The following MORC2 variants were observed in gnomAD, a reference collection of about 807,000 sequenced individuals.
The protein encoded by MORC2 is MORC family CW-type zinc finger 2.
Under a neutral mutation model 136.0 loss-of-function variants are expected in MORC2, and 30 were observed. The ratio of observed to expected loss-of-function variants is 0.22; its 90% CI spans 0.17 to 0.30. The LOEUF (loss-of-function observed/expected upper bound fraction) is 0.30. MORC2 is among the 10% of genes least tolerant of loss of function. The pLI is 1.00. For missense variants in MORC2, 922 were observed against 1,333.1 expected, an observed-to-expected ratio of 0.69 and a Z score of 4.80; for synonymous variants, 439 against 487.0, an observed-to-expected ratio of 0.90 and a Z score of 1.30.
chr22:30,954,509 G>C (rs534069896), intron 3 of MORC2, among the ~76,000 whole-genome samples: 2 of 152,230 alleles, frequency 1.3e-5, no homozygotes, highest in South Asian at 4.1e-4. Flanking sequence ...ATTATCCATA[G>C]TGCATTAATT....
At chr22:30,950,578 G>A (rs2040873474) in intron 3 of MORC2, 133 bp from the exon 4 acceptor site, 4 of 805,744 alleles carry the variant, frequency 5.0e-6, no homozygotes, top group Non-Finnish European at 8.0e-6. Flanking sequence ...CTACGCTGGT[G>A]TGAATTAAAC....
chr22:30,967,641 C>T lies in MORC2; in HGVS notation c.68+181G>A, dbSNP rs1052056492. 1.5e-4 allele frequency: 202 copies of T among 1,385,944 alleles called. 1 individual carries two copies. Among genetic ancestry groups the T allele is most frequent in the Non-Finnish European group, 1.9e-4 (200 of 1,071,526 alleles). 85.9% of individuals were successfully genotyped at this position (1,385,944 alleles called of 1,614,324 possible). On this transcript the variant is annotated intron_variant, in intron 1 of 25. Transcript: ENST00000397641. Reference sequence around the variant, plus strand: ...CAAAAATCAGATTCTTCTGGATTAGCAACAAGTATTTCACTGATCTCAGTT... The same window carrying T: ...CAAAAATCAGATTCTTCTGGATTAGTAACAAGTATTTCACTGATCTCAGTT...
intron 1 of MORC2, among the ~76,000 whole-genome samples, chr22:30,960,504 T>A (rs905666995): frequency 2.0e-5 from 3 of 152,124 alleles, no homozygotes; most frequent in African/African-American, 7.2e-5. Context: ...TTATTTATTT[T>A]GAGACGGAGT....
chr22:30,955,117 C>G (rs1031048843), intron 3 of MORC2, among the ~76,000 whole-genome samples: 5 of 152,064 alleles, frequency 3.3e-5, no homozygotes, highest in Non-Finnish European at 7.4e-5. Context: ...CACCACCACA[C>G]CCGGCTAATT....
At chr22:30,945,501 C>A (rs1389185951) in intron 6 of MORC2, among the ~76,000 whole-genome samples, 1 of 152,182 alleles carries the variant, frequency 6.6e-6, no homozygotes, top group African/African-American at 2.4e-5. Context: ...CTCTTAGCCC[C>A]CCTTCTTTCA....
At position 30,934,692 on chromosome 22, in the gene MORC2, G is replaced by A; in HGVS notation, c.2193+89C>T. 6.6e-7 allele frequency: 1 copy of A among 1,513,012 alleles called. No individual in the cohort carries two copies. Among genetic ancestry groups the A allele is most frequent in the Non-Finnish European group, 9.0e-7 (1 of 1,116,024 alleles). The allele number at this position is 1,513,012 out of a possible 1,614,324, so 93.7% of individuals were successfully genotyped here. A position where few individuals can be genotyped will look rare whatever the true frequency, so the allele number is the denominator to read the frequency against. On this transcript the variant is annotated intron_variant, in intron 19 of 25. Transcript: ENST00000397641. This position sits in a 1 kb window ranked among gnomAD's most constrained non-coding sequence, Gnocchi z 4.4. ...AGCTTTAGATTCAGTATCTTCCGAA[G>A]GCTCCCCCAGTACAGCTGTGACACT... is the stretch of plus-strand genomic sequence containing the variant.
chr22:30,952,038 T>G (rs536742576), intron 3 of MORC2, among the ~76,000 whole-genome samples: 1 of 152,278 alleles, frequency 6.6e-6, no homozygotes, highest in African/African-American at 2.4e-5. Flanking sequence ...AGGGTGAGGA[T>G]CTTCCTGGAA....
chr22:30,967,255 A>G (rs748551637), intron 1 of MORC2: 29 of 986,104 alleles, frequency 2.9e-5, no homozygotes, highest in Non-Finnish European at 3.4e-5. Context: ...TTGGGGAAAG[A>G]CTATCTAAAT....
intron 1 of MORC2, chr22:30,958,933 C>T: frequency 4.7e-6 from 2 of 423,812 alleles, no homozygotes; most frequent in Non-Finnish European, 8.5e-6. Flanking sequence ...TTGGGAAACC[C>T]ACCCTGAAGC....
intron 1 of MORC2, chr22:30,967,192 T>C (rs2041140879): frequency 2.0e-6 from 2 of 985,614 alleles, no homozygotes; most frequent in Non-Finnish European, 2.4e-6. Flanking sequence ...AGTGATTAGA[T>C]TACTCCTTCA....
chr22:30,938,259 A>T, intron 12 of MORC2, 54 bp from the exon 13 acceptor site: 1 of 1,600,012 alleles, frequency 6.2e-7, no homozygotes, highest in Admixed American at 1.7e-5. Flanking sequence ...CAAGCACCAT[A>T]GTGTTTAAGA....
Position 30,926,789 on chromosome 22 carries a change from T to TG in MORC2, c.*13_*14insC, listed in dbSNP as rs747923636. 1.2e-6 allele frequency: 2 copies of TG among 1,609,786 alleles called. No individual in the cohort carries two copies. Among genetic ancestry groups the TG allele is most frequent in the Non-Finnish European group, 1.7e-6 (2 of 1,177,020 alleles). The stretch of plus-strand genomic sequence containing the variant: ...AGGGGCAGGTGGGCAGGGGAGCTGC[T>TG]CTCTCTCCTGCCTTCAGTCCCCCTT... On this transcript the variant is annotated 3_prime_UTR_variant, in exon 26 of 26. Transcript: ENST00000397641.
Position 30,941,581 on chromosome 22 carries a change from A to G in MORC2, c.699-23T>C. The G allele has an allele frequency of 6.2e-7, 1 of 1,607,678 alleles. No individual in the cohort carries two copies. The highest frequency in any genetic ancestry group is 8.5e-7 in the Non-Finnish European group (1 of 1,175,154). On this transcript the variant is annotated intron_variant, in intron 8 of 25. Transcript: ENST00000397641. This position sits in a 1 kb window ranked among gnomAD's most constrained non-coding sequence, Gnocchi z 4.6. The stretch of plus-strand genomic sequence containing the variant: ...TTCCTGGAGAGGGCAAAAACAGAGA[A>G]GTGCTGTCACCTGCTCCACAACAGG...
Position 30,941,696 on chromosome 22 carries a change from CT to C in MORC2, c.699-139del. ...TGCTGCTGCCCTGAACTGGTGCTCC[CT>C]TAGTGTGAGCACCACATCCCGCCCC... On this transcript the variant is annotated intron_variant, in intron 8 of 25. Coordinates refer to ENST00000397641, the MANE Select transcript of MORC2 (RefSeq NM_001303256.3). The surrounding 1 kb of genome is among the most constrained non-coding windows in gnomAD (Gnocchi z 4.6). 1 of 1,327,634 alleles carries C rather than the reference CT, an allele frequency of 7.5e-7. No homozygotes were observed. The highest frequency in any genetic ancestry group is 1.0e-6 in the Non-Finnish European group (1 of 974,832). 82.2% of individuals were successfully genotyped at this position (1,327,634 alleles called of 1,614,324 possible). A position where few individuals can be genotyped will look rare whatever the true frequency, so the allele number is the denominator to read the frequency against.
At chr22:30,946,973 C>G (rs2040826446) in intron 5 of MORC2, among the ~76,000 whole-genome samples, 1 of 152,186 alleles carries the variant, frequency 6.6e-6, no homozygotes, top group African/African-American at 2.4e-5. Context: ...GACGAAACGG[C>G]AGCAGCACTG....
chr22:30,950,353 CA>C, intron 4 of MORC2, 23 bp downstream of exon 4: 1 of 1,481,956 alleles, frequency 6.7e-7, no homozygotes, highest in Non-Finnish European at 9.4e-7. Context: ...CCCCACCCCC[CA>C]AAACAATAAT....
intron 20 of MORC2, 89 bp from the exon 21 acceptor site, chr22:30,933,609 C>A: frequency 7.8e-7 from 1 of 1,281,552 alleles, no homozygotes; most frequent in Non-Finnish European, 1.1e-6. Flanking sequence ...CATCAGCCAT[C>A]ATCTTCACGA....
intron 1 of MORC2, among the ~76,000 whole-genome samples, chr22:30,964,042 A>G (rs2041088647): frequency 6.6e-6 from 1 of 152,138 alleles, no homozygotes; most frequent in African/African-American, 2.4e-5. Flanking sequence ...GCTCCTCTAC[A>G]TTCACTTCAC....
At chr22:30,946,918 G>A (rs1419196385) in intron 5 of MORC2, among the ~76,000 whole-genome samples, 2 of 152,014 alleles carry the variant, frequency 1.3e-5, no homozygotes, top group African/African-American at 4.8e-5. Flanking sequence ...ACCACCCCCA[G>A]TTCCCACCGT....
Sources: gnomAD v4.1 joint callset for allele counts (sites outside exome capture counted in the v4.1 genomes callset) on GRCh38, gnomAD v4.1.1 for gene constraint, Gnocchi (gnomAD v3.1) non-coding constraint, MANE v1.5 for transcripts, NCBI Gene and HGNC (gene_info 2026-07-23, HGNC 2026-07-21) for gene names.